HIVEP3: variants seen among roughly 807,000 people sequenced by gnomAD.
HIVEP3 encodes HIVEP zinc finger 3.
HIVEP3 carries 49 observed loss-of-function variants against 152.8 expected under a neutral mutation model. The ratio of observed to expected loss-of-function variants is 0.32; its 90% CI spans 0.26 to 0.41. The LOEUF is 0.41. Ranked by LOEUF, HIVEP3 falls within the 10% of genes least tolerant of loss-of-function variation. The probability of loss-of-function intolerance (pLI) is 1.00; values close to 1 mark genes in which losing one functional copy is unlikely to be tolerated. For missense variants in HIVEP3, 2,790 were observed against 3,103.3 expected, an observed-to-expected ratio of 0.90 and a Z score of 2.40; for synonymous variants, 1,269 against 1,289.0, an observed-to-expected ratio of 0.98 and a Z score of 0.33.
chr1:41,789,909 G>A (rs917069442), intron 1 of HIVEP3, among the ~76,000 whole-genome samples: 4 of 152,182 alleles, frequency 2.6e-5, no homozygotes, highest in African/African-American at 7.2e-5. Context: ...CACAAAAGCA[G>A]CTTATGCATA....
intron 1 of HIVEP3, among the ~76,000 whole-genome samples, chr1:41,975,333 C>A (rs1038977430): frequency 6.6e-6 from 1 of 152,204 alleles, no homozygotes; most frequent in African/African-American, 2.4e-5. Flanking sequence ...TCCCAGGGAA[C>A]CTGACCTGAG....
rs1645154317 is a variant in HIVEP3, at chr1:41,628,861, C to T, written c.-634G>A. ...ACCCTCCACCTAGGCGCCGCTCTTCCCACCAGAGGGGCGGGCTTGCTTGGC... is the reference window on the plus strand; with the variant it reads ...ACCCTCCACCTAGGCGCCGCTCTTCTCACCAGAGGGGCGGGCTTGCTTGGC... On this transcript the variant is annotated 5_prime_UTR_variant, in exon 3 of 9. Transcript: ENST00000372583. The T allele has an allele frequency of 7.3e-6, 9 of 1,232,014 alleles. No homozygotes were observed. Among genetic ancestry groups the T allele is most frequent in the Non-Finnish European group, 9.1e-6 (9 of 987,972 alleles). 76.3% of individuals were successfully genotyped at this position (1,232,014 alleles called of 1,614,324 possible). A position where few individuals can be genotyped will look rare whatever the true frequency, so the allele number is the denominator to read the frequency against.
chr1:41,762,402 C>A (rs898217044), intron 1 of HIVEP3, among the ~76,000 whole-genome samples: 93 of 152,216 alleles, frequency 6.1e-4, no homozygotes, highest in African/African-American at 2.1e-3. Context: ...CAGCAGAGGG[C>A]AGCCACCCCA....
At chr1:41,946,956 T>C (rs980795186) in intron 1 of HIVEP3, among the ~76,000 whole-genome samples, 4 of 152,180 alleles carry the variant, frequency 2.6e-5, no homozygotes, top group Non-Finnish European at 5.9e-5. Flanking sequence ...GAGGCCGTTG[T>C]TCCTCTATAC....
intron 1 of HIVEP3, among the ~76,000 whole-genome samples, chr1:41,909,535 G>T (rs1644764782): frequency 6.6e-6 from 1 of 152,064 alleles, no homozygotes; most frequent in Non-Finnish European, 1.5e-5. Context: ...CATAGTGGGA[G>T]ATTATAATAC....
rs565983170 is a variant in HIVEP3 at position 41,657,074 on chromosome 1, G to A, written c.-720-28127C>T. Among the ~76,000 whole-genome samples, 7 of 152,316 alleles carry A rather than the reference G, an allele frequency of 4.6e-5. No homozygotes were observed. The South Asian group carries it at 1.0e-3, about 23-fold the overall frequency. On this transcript the variant is annotated intron_variant, in intron 2 of 8. Coordinates refer to ENST00000372583, the MANE Select transcript of HIVEP3 (RefSeq NM_024503.5). ...ATTTGCTCAACTCTGAGCTTCTTGGGGATGCAGACTCTCTCCTAGTGCTTA... is the reference window on the plus strand; with the variant it reads ...ATTTGCTCAACTCTGAGCTTCTTGGAGATGCAGACTCTCTCCTAGTGCTTA...
chr1:41,525,053 A>G, intron 5 of HIVEP3, 143 bp from the exon 6 acceptor site: 1 of 762,052 alleles, frequency 1.3e-6, no homozygotes, highest in African/African-American at 1.7e-5. Flanking sequence ...GAGGACCACG[A>G]GAGTGGGAGG....
chr1:41,957,138 C>T (rs1040866406), intron 1 of HIVEP3, among the ~76,000 whole-genome samples: 5 of 152,072 alleles, frequency 3.3e-5, no homozygotes, highest in African/African-American at 1.2e-4. Flanking sequence ...TTTTACTATA[C>T]TTTCTTAAAG....
chr1:41,700,130 C>A (rs1416097538), intron 2 of HIVEP3, among the ~76,000 whole-genome samples: 4 of 152,192 alleles, frequency 2.6e-5, no homozygotes, highest in African/African-American at 9.7e-5. Flanking sequence ...AGAATAGAGC[C>A]CTCCTGCCTT....
In HIVEP3 at chr1:41,633,205, C is replaced by G. The variant is rs115983707; in HGVS notation, c.-720-4258G>C. ...CCATTTATCTCCCTCTTCTCCCCCC[C>G]GCAACACCCCTCAAATAAAAGGAGA... On this transcript the variant is annotated intron_variant, in intron 2 of 8. Transcript: ENST00000372583. Among the ~76,000 whole-genome samples, 1,094 of 152,242 alleles carry G rather than the reference C, an allele frequency of 7.2e-3. 16 individuals carry two copies. Among genetic ancestry groups the G allele is most frequent in the African/African-American group, 0.024 (1,004 of 41,526 alleles).
At chr1:41,716,206 G>A (rs1174397175) in intron 1 of HIVEP3, among the ~76,000 whole-genome samples, 1 of 152,192 alleles carries the variant, frequency 6.6e-6, no homozygotes, top group Admixed American at 6.5e-5. Flanking sequence ...AGCTGGGTGA[G>A]GCTCGATAGG....
At chr1:41,826,019 G>T (rs1417688031) in intron 1 of HIVEP3, among the ~76,000 whole-genome samples, 1 of 152,108 alleles carries the variant, frequency 6.6e-6, no homozygotes, top group African/African-American at 2.4e-5. Context: ...TGAAGATGTT[G>T]CCCAAAACTG....
intron 1 of HIVEP3, among the ~76,000 whole-genome samples, chr1:41,790,184 G>T (rs1182813404): frequency 6.6e-6 from 1 of 152,172 alleles, no homozygotes; most frequent in Non-Finnish European, 1.5e-5. Context: ...CTAGTGGGAG[G>T]TGTTTGGATC....
intron 2 of HIVEP3, among the ~76,000 whole-genome samples, chr1:41,688,077 A>G (rs2124103145): frequency 6.6e-6 from 1 of 152,372 alleles, no homozygotes. Flanking sequence ...TGTGGGCACC[A>G]CGGTTCTTGT....
chr1:41,720,114 C>A (rs768338742), intron 1 of HIVEP3, among the ~76,000 whole-genome samples: 1 of 152,188 alleles, frequency 6.6e-6, no homozygotes, highest in Non-Finnish European at 1.5e-5. Context: ...TGCTTTCCTA[C>A]GTCTCCCCTC....
intron 1 of HIVEP3, among the ~76,000 whole-genome samples, chr1:41,890,996 C>T (rs898321175): frequency 1.2e-4 from 18 of 152,312 alleles, no homozygotes; most frequent in Admixed American, 8.5e-4. Context: ...AGCCCTGAAA[C>T]GAGCAGGCCA....
rs1646213956 is a variant in HIVEP3 at position 41,692,571 on chromosome 1, T to C, written c.-721+8345A>G. 2.0e-5 allele frequency among the ~76,000 whole-genome samples: 3 copies of C among 152,340 alleles called. No homozygotes were observed. The South Asian group carries it at 6.2e-4, about 32-fold the overall frequency. ...TGTAACCAGAGGCTCACAGGAATCT[T>C]ATGCTGTAGTTCTCCTAGGAGCAAC... On this transcript the variant is annotated intron_variant, in intron 2 of 8. Coordinates refer to ENST00000372583, the MANE Select transcript of HIVEP3 (RefSeq NM_024503.5).
rs1203974890 is a variant in HIVEP3 at position 41,581,234 on chromosome 1, G to A, written c.3564C>T (p.Ala1188=). 1 of 1,582,504 alleles carries A rather than the reference G, an allele frequency of 6.3e-7. No individual in the cohort carries two copies. The highest frequency in any genetic ancestry group is 8.6e-7 in the Non-Finnish European group (1 of 1,164,406). Residue 1188 remains alanine (A), a synonymous_variant, in exon 4 of 9, where the codon GCC becomes GCT. Transcript: ENST00000372583. The surrounding 1 kb of genome is among the most constrained non-coding windows in gnomAD (Gnocchi z 4.5). ...MPPLPPSLFQ[A]PPLPLQPTVL... ...CAGTAGGCTGGAGAGGAAGCGGTGG[G>A]GCTTGAAATAAGGAGGGAGGAAGTG...
Position 41,582,480 on chromosome 1 carries a change from A to T in HIVEP3, c.2318T>A (p.Phe773Tyr), listed in dbSNP as rs1415114638. ...SVPSLEGPTG[F>Y]QPRTPKPGSG... ...CCCTGGCTTGGGAGTCCTTGGCTGG[A>T]AGCCCGTGGGTCCCTCCAAGGAGGG... The change falls in exon 4 of 9, where the codon TTC becomes TAC. Residue 773 changes from phenylalanine (F) to tyrosine (Y), a missense_variant. By Grantham distance (22) the Phe-to-Tyr change is conservative (BLOSUM62 3). Coordinates refer to ENST00000372583, the MANE Select transcript of HIVEP3 (RefSeq NM_024503.5). This position sits in a 1 kb window ranked among gnomAD's most constrained non-coding sequence, Gnocchi z 4.7. The T allele has an allele frequency of 6.2e-7, 1 of 1,613,262 alleles. No individual in the cohort carries two copies. Among genetic ancestry groups the T allele is most frequent in the Admixed American group, 1.7e-5 (1 of 59,996 alleles).
Sources: allele counts gnomAD v4.1 joint callset (sites outside exome capture counted in the v4.1 genomes callset), GRCh38; gene constraint gnomAD v4.1.1; non-coding constraint Gnocchi (gnomAD v3.1); transcripts MANE v1.5; gene names NCBI Gene and HGNC (gene_info 2026-07-23, HGNC 2026-07-21).